Variants in FLT1 observed in about 807,000 individuals in gnomAD.
FLT1 encodes the protein fms related receptor tyrosine kinase 1.
Under a neutral mutation model 156.3 loss-of-function variants are expected in FLT1, and 49 were observed. The observed-to-expected ratio is 0.31, with a 90% CI of 0.25 to 0.40. The LOEUF (loss-of-function observed/expected upper bound fraction) is 0.40, where lower values mean the gene tolerates loss of function less well. Among genes scored for constraint, FLT1 ranks in the 10% least tolerant of loss-of-function variants. FLT1 has a pLI of 1.00. For missense variants in FLT1, 1,322 were observed against 1,637.2 expected, an observed-to-expected ratio of 0.81 and a Z score of 3.32; for synonymous variants, 594 against 583.8, an observed-to-expected ratio of 1.02 and a Z score of -0.25.
chr13:28,490,997 T>G lies in FLT1; in HGVS notation c.64+3783A>C, dbSNP rs532708479. ...TCTTATCCCCACCCACATACACATA[T>G]CAGTTTAAAGCACTACAGAAGCTAC... is the stretch of plus-strand genomic sequence containing the variant. On this transcript the variant is annotated intron_variant, in intron 1 of 29. Transcript: ENST00000282397. 5.3e-5 allele frequency among the ~76,000 whole-genome samples: 8 copies of G among 152,288 alleles called. No homozygotes were observed. The East Asian group carries it at 1.2e-3, about 22-fold the overall frequency.
intron 3 of FLT1, among the ~76,000 whole-genome samples, chr13:28,445,187 T>C (rs889965147): frequency 6.6e-6 from 1 of 151,608 alleles, no homozygotes; most frequent in Non-Finnish European, 1.5e-5. Context: ...GATTCAGAAA[T>C]GAAACAGGGC....
In FLT1 at chr13:28,412,330, T is replaced by TC. The variant is rs1555236469; in HGVS notation, c.1437-6437_1437-6436insG. On this transcript the variant is annotated intron_variant, in intron 10 of 29. Transcript: ENST00000282397. ...TTCTCTTTCTTTCTTTCTTTCTTTC[T>TC]TTTCTTTCTTTCTTTCTTTCTCTTT... Among the ~76,000 whole-genome samples, 105 of 92,594 alleles carry TC rather than the reference T, an allele frequency of 1.1e-3. 2 individuals carry two copies. Among genetic ancestry groups the TC allele is most frequent in the African/African-American group, 3.5e-3 (85 of 24,114 alleles). The allele number at this position is 92,594 out of a possible 152,430, so 60.7% of individuals were successfully genotyped here.
chr13:28,343,832 C>T (rs550002975), intron 16 of FLT1, among the ~76,000 whole-genome samples: 8 of 151,420 alleles, frequency 5.3e-5, no homozygotes, highest in Non-Finnish European at 7.4e-5. Context: ...TTAGTAGAGA[C>T]GGGGTTTCAT....
chr13:28,424,712 A>C (rs565923444), intron 10 of FLT1, among the ~76,000 whole-genome samples: 199 of 152,290 alleles, frequency 1.3e-3, no homozygotes, highest in African/African-American at 4.7e-3. Context: ...TAGAGCCTAA[A>C]ATTTAAATGC....
chr13:28,352,127 T>C (rs970234759), intron 15 of FLT1, among the ~76,000 whole-genome samples: 1 of 152,192 alleles, frequency 6.6e-6, no homozygotes, highest in African/African-American at 2.4e-5. Flanking sequence ...AGTTGAGGTA[T>C]AGAGCATAAA....
At chr13:28,318,227 T>C (rs1871284265) in intron 24 of FLT1, among the ~76,000 whole-genome samples, 1 of 152,040 alleles carries the variant, frequency 6.6e-6, no homozygotes, top group Admixed American at 6.5e-5. Context: ...GCAACCTTCC[T>C]ATAGTACCAG....
intron 3 of FLT1, among the ~76,000 whole-genome samples, chr13:28,452,423 A>T (rs144828942): frequency 2.0e-3 from 302 of 152,328 alleles, no homozygotes; most frequent in Non-Finnish European, 3.0e-3. Context: ...TGAGCCGGAC[A>T]TTAATAAACG....
At chr13:28,328,804 T>C (rs2138839484) in intron 19 of FLT1, among the ~76,000 whole-genome samples, 1 of 152,230 alleles carries the variant, frequency 6.6e-6, no homozygotes. Flanking sequence ...CCTGATCAGT[T>C]TTACAGATGC....
chr13:28,312,725 G>C (rs1482776129), intron 25 of FLT1, among the ~76,000 whole-genome samples: 3 of 152,144 alleles, frequency 2.0e-5, no homozygotes, highest in Admixed American at 2.0e-4. Flanking sequence ...AGAAGGTGAA[G>C]CCCACAGTGT....
chr13:28,389,504 C>T (rs1316348657), intron 13 of FLT1: 11 of 1,416,742 alleles, frequency 7.8e-6, no homozygotes, highest in Admixed American at 3.0e-5. Context: ...CAAATCCAAA[C>T]GTGCACCAAG....
At chr13:28,434,333 C>A in intron 4 of FLT1, 113 bp from the exon 5 acceptor site, 1 of 1,057,438 alleles carries the variant, frequency 9.5e-7, no homozygotes, top group Non-Finnish European at 1.4e-6. Context: ...AATAGTAAAA[C>A]TTTGTAGTTT....
intron 16 of FLT1, among the ~76,000 whole-genome samples, chr13:28,340,201 C>T (rs950706250): frequency 4.1e-5 from 6 of 147,436 alleles, no homozygotes; most frequent in Non-Finnish European, 5.9e-5. Flanking sequence ...GGCGACAGAG[C>T]GAGACTCTGT....
At position 28,457,692 on chromosome 13, in the gene FLT1, A is replaced by G. The variant is rs116172973; in HGVS notation, c.388+9211T>C. 1.3e-3 allele frequency among the ~76,000 whole-genome samples: 201 copies of G among 152,326 alleles called. 2 individuals are homozygous for G. Among genetic ancestry groups the G allele is most frequent in the African/African-American group, 4.5e-3 (189 of 41,576 alleles). On this transcript the variant is annotated intron_variant, in intron 3 of 29. Coordinates refer to ENST00000282397, the MANE Select transcript of FLT1 (RefSeq NM_002019.4). ...TTTCATTATCATTGTTGAAGTTATG[A>G]AATGCCAGAAACTTAAAGCCTTTTC...
In FLT1 at chr13:28,471,357, C is replaced by A. The variant is rs191233503; in HGVS notation, c.65-3740G>T. Among the ~76,000 whole-genome samples the A allele has an allele frequency of 1.6e-3, 243 of 152,058 alleles. 2 individuals are homozygous for A. Among genetic ancestry groups the A allele is most frequent in the Admixed American group, 4.8e-3 (74 of 15,270 alleles). The stretch of plus-strand genomic sequence containing the variant: ...TCAAGATTATAGTTTAACAGGAAAA[C>A]GAATAAGAAAAAGGGAAAGTGAAAA... On this transcript the variant is annotated intron_variant, in intron 1 of 29. Coordinates refer to ENST00000282397, the MANE Select transcript of FLT1 (RefSeq NM_002019.4).
At chr13:28,488,815 C>T (rs189694700) in intron 1 of FLT1, among the ~76,000 whole-genome samples, 17 of 152,332 alleles carry the variant, frequency 1.1e-4, no homozygotes, top group African/African-American at 2.9e-4. Flanking sequence ...ACCAAGGCCC[C>T]TATTAAAACA....
intron 18 of FLT1, among the ~76,000 whole-genome samples, chr13:28,330,355 GT>G (rs1163417917): frequency 6.6e-6 from 1 of 151,940 alleles, no homozygotes; most frequent in Non-Finnish European, 1.5e-5. Flanking sequence ...AGTTTGTTCT[GT>G]TTGTTCTTAT....
At chr13:28,434,265 G>A (rs746718758) in intron 4 of FLT1, 45 bp from the exon 5 acceptor site, 2 of 1,560,250 alleles carry the variant, frequency 1.3e-6, no homozygotes, top group Admixed American at 1.7e-5. Context: ...ATTAGCACTG[G>A]TTGGCAATAC....
At chr13:28,485,093 TTGTC>T (rs1881074972) in intron 1 of FLT1, among the ~76,000 whole-genome samples, 1 of 151,992 alleles carries the variant, frequency 6.6e-6, no homozygotes, top group Non-Finnish European at 1.5e-5. Context: ...AAAGAAATAT[TTGTC>T]TGTAATATTT....
At chr13:28,374,718 T>G (rs1186559496) in intron 14 of FLT1, among the ~76,000 whole-genome samples, 1 of 152,072 alleles carries the variant, frequency 6.6e-6, no homozygotes, top group Non-Finnish European at 1.5e-5. Flanking sequence ...TTTCACCGTG[T>G]TAGCCAGGAT....
Sources: allele counts gnomAD v4.1 joint callset (sites outside exome capture counted in the v4.1 genomes callset), GRCh38; gene constraint gnomAD v4.1.1; transcripts MANE v1.5; gene names NCBI Gene and HGNC (gene_info 2026-07-23, HGNC 2026-07-21).